ABCC9: variants seen among roughly 807,000 people sequenced by gnomAD.
The protein encoded by ABCC9 is ATP binding cassette subfamily C member 9.
Under a neutral mutation model 188.3 loss-of-function variants are expected in ABCC9, and 95 were observed. That is an observed-to-expected ratio of 0.50 (90% CI 0.43 to 0.60). The LOEUF (loss-of-function observed/expected upper bound fraction) is 0.60. Ranked by LOEUF, ABCC9 falls within the 20% of genes least tolerant of loss-of-function variation. The pLI is 0.00. For synonymous variants in ABCC9, 659 were observed against 652.7 expected (o/e 1.01, Z -0.15); for missense variants, 1,102 against 1,876.3 (o/e 0.59, Z 7.62).
At chr12:21,837,961 A>G (rs1426098481) in intron 30 of ABCC9, 117 bp downstream of exon 30, 4 of 883,410 alleles carry the variant, frequency 4.5e-6, no homozygotes, top group African/African-American at 1.6e-5. Context: ...TTAGTACACC[A>G]TCAGGCACAC....
chr12:21,809,781 T>C, intron 37 of ABCC9, 71 bp downstream of exon 37: 1 of 899,628 alleles, frequency 1.1e-6, no homozygotes, highest in South Asian at 1.4e-5. Flanking sequence ...GATTATAGCA[T>C]AAAACGTAGA....
In ABCC9 at chr12:21,800,579, G is replaced by A. The variant is rs1478253695; in HGVS notation, c.*465C>T. On this transcript the variant is annotated 3_prime_UTR_variant, in exon 40 of 40. Coordinates refer to ENST00000261200, the MANE Select transcript of ABCC9 (RefSeq NM_020297.4). ...ATGAATACAAATAAATTCTCATGAA[G>A]TAGATAATGAATTTGAGAGTTTCGT... is the stretch of plus-strand genomic sequence containing the variant. 1 of 160,502 alleles carries A rather than the reference G, an allele frequency of 6.2e-6. No individual in the cohort carries two copies. Among genetic ancestry groups the A allele is most frequent in the African/African-American group, 2.4e-5 (1 of 41,472 alleles). 9.9% of individuals were successfully genotyped at this position (160,502 alleles called of 1,614,324 possible).
rs1591913272 is a variant in ABCC9, at chr12:21,800,941, G to GT, written c.*102dup. Reference sequence around the variant, plus strand: ...ATGTCCACTTTTTGTGCAAAAATCTGTAAAAGTTTTAAGATGCCACTTTAC... The same window carrying GT: ...ATGTCCACTTTTTGTGCAAAAATCTGTTAAAAGTTTTAAGATGCCACTTTAC... On this transcript the variant is annotated 3_prime_UTR_variant, in exon 40 of 40. Transcript: ENST00000261200. 3 of 1,420,966 alleles carry GT rather than the reference G, an allele frequency of 2.1e-6. No homozygotes were observed. The East Asian group carries it at 7.0e-5, about 33-fold the overall frequency. The allele number at this position is 1,420,966 out of a possible 1,614,324, so 88.0% of individuals were successfully genotyped here.
chr12:21,912,353 A>G (rs1027002795), intron 8 of ABCC9, among the ~76,000 whole-genome samples: 1 of 152,084 alleles, frequency 6.6e-6, no homozygotes, highest in Admixed American at 6.6e-5. Flanking sequence ...TTTTAACTAT[A>G]TAGCCCCAAT....
chr12:21,805,853 A>ATTT, intron 39 of ABCC9, 145 bp downstream of exon 39: 1 of 802,380 alleles, frequency 1.2e-6, no homozygotes, highest in South Asian at 1.6e-5. Context: ...ACATCTTCGT[A>ATTT]TTTTTTTTCT....
intron 3 of ABCC9, 48 bp downstream of exon 3, chr12:21,936,485 A>G (rs1949491628): frequency 6.6e-7 from 1 of 1,513,122 alleles, no homozygotes; most frequent in Non-Finnish European, 9.1e-7. Context: ...GCCATTAGCG[A>G]GATATATAAA....
intron 18 of ABCC9, among the ~76,000 whole-genome samples, chr12:21,866,666 T>C (rs904393033): frequency 6.6e-6 from 1 of 152,140 alleles, no homozygotes; most frequent in African/African-American, 2.4e-5. Flanking sequence ...AATGCAAGGG[T>C]CACGGAAACC....
chr12:21,816,443 A>C (rs942938979), intron 33 of ABCC9, among the ~76,000 whole-genome samples: 10 of 152,080 alleles, frequency 6.6e-5, no homozygotes, highest in Non-Finnish European at 5.9e-5. Context: ...GGGAGCATGG[A>C]TGGTGCTAAC....
intron 8 of ABCC9, among the ~76,000 whole-genome samples, chr12:21,912,157 G>A (rs1948355075): frequency 6.6e-6 from 1 of 151,888 alleles, no homozygotes; most frequent in Admixed American, 6.6e-5. Flanking sequence ...ATTTTTATAC[G>A]TGATGGAAAG....
chr12:21,901,797 C>G (rs947217230), intron 12 of ABCC9, among the ~76,000 whole-genome samples: 3 of 152,150 alleles, frequency 2.0e-5, no homozygotes, highest in Non-Finnish European at 2.9e-5. Context: ...CCCCCAGATT[C>G]ATAAAGCAAG....
In ABCC9 at chr12:21,818,532, G is replaced by A. The variant is rs866893513; in HGVS notation, c.3670-281C>T. 5.4e-3 allele frequency among the ~76,000 whole-genome samples: 746 copies of A among 138,248 alleles called. 5 individuals are homozygous for A. The highest frequency in any genetic ancestry group is 0.021 in the African/African-American group (722 of 35,002). The allele number at this position is 138,248 out of a possible 152,430, so 90.7% of individuals were successfully genotyped here. On this transcript the variant is annotated intron_variant, in intron 31 of 39. Coordinates refer to ENST00000261200, the MANE Select transcript of ABCC9 (RefSeq NM_020297.4). ...ACTATATAGATATATATATATGTGT[G>A]TGTGTGTGTGTGTGTGTGTGTGTGT... is the stretch of plus-strand genomic sequence containing the variant.
At chr12:21,937,408 A>C (rs769725544) in intron 2 of ABCC9, among the ~76,000 whole-genome samples, 5 of 152,200 alleles carry the variant, frequency 3.3e-5, no homozygotes, top group Non-Finnish European at 7.4e-5. Context: ...GAGTAGAAGT[A>C]GATGAGTTTA....
intron 19 of ABCC9, among the ~76,000 whole-genome samples, chr12:21,863,663 T>C (rs953237750): frequency 1.3e-5 from 2 of 152,140 alleles, no homozygotes; most frequent in African/African-American, 4.8e-5. Flanking sequence ...ACCTCCCCCC[T>C]TTTGACTTGC....
At chr12:21,925,455 A>G (rs1343097679) in intron 5 of ABCC9, 3 of 701,974 alleles carry the variant, frequency 4.3e-6, no homozygotes, top group South Asian at 3.0e-5. Context: ...ATACTCTGCT[A>G]CATAGTAATT....
intron 8 of ABCC9, among the ~76,000 whole-genome samples, chr12:21,912,243 C>T (rs1411604324): frequency 6.6e-6 from 1 of 151,752 alleles, no homozygotes; most frequent in African/African-American, 2.4e-5. Flanking sequence ...TGTAGAACTA[C>T]AAAAATCAAT....
intron 4 of ABCC9, among the ~76,000 whole-genome samples, chr12:21,931,197 T>C (rs1208160901): frequency 6.6e-6 from 1 of 152,104 alleles, no homozygotes; most frequent in African/African-American, 2.4e-5. Flanking sequence ...AATTCCCTCA[T>C]GCTGTTCTCA....
At chr12:21,867,207 A>T (rs1945824720) in intron 18 of ABCC9, among the ~76,000 whole-genome samples, 1 of 152,134 alleles carries the variant, frequency 6.6e-6, no homozygotes, top group Admixed American at 6.5e-5. Context: ...ACTTCCAGAG[A>T]CTACCTATTC....
Position 21,941,151 on chromosome 12 carries a change from C to G in ABCC9, c.-137+49G>C, listed in dbSNP as rs1949667434. 6.6e-6 allele frequency: 1 copy of G among 152,224 alleles called. No individual in the cohort carries two copies. The highest frequency in any genetic ancestry group is 2.1e-4 in the South Asian group (1 of 4,838). The allele number at this position is 152,224 out of a possible 1,614,324, so 9.4% of individuals were successfully genotyped here. A position where few individuals can be genotyped will look rare whatever the true frequency, so the allele number is the denominator to read the frequency against. On this transcript the variant is annotated intron_variant, in intron 1 of 39. Transcript: ENST00000261200. The surrounding 1 kb of genome is among the most constrained non-coding windows in gnomAD (Gnocchi z 5.4). ...TCAAAATCGACAACTTACAGTTATT[C>G]CTAAAAATGTTTAAATGGCATTCAT...
At chr12:21,828,676 T>C (rs1254870741) in intron 31 of ABCC9, 1 of 414,068 alleles carries the variant, frequency 2.4e-6, no homozygotes, top group East Asian at 5.2e-5. Flanking sequence ...AAAAAAAAAT[T>C]TGAAGTTATA....
Sources: allele counts gnomAD v4.1 joint callset (sites outside exome capture counted in the v4.1 genomes callset), GRCh38; gene constraint gnomAD v4.1.1; non-coding constraint Gnocchi (gnomAD v3.1); transcripts MANE v1.5; gene names NCBI Gene and HGNC (gene_info 2026-07-23, HGNC 2026-07-21).